The following LRRIQ4 variants were observed in gnomAD, a reference collection of about 807,000 sequenced individuals.
LRRIQ4 encodes the protein leucine rich repeats and IQ motif containing 4.
Under a neutral mutation model 40.1 loss-of-function variants are expected in LRRIQ4, and 21 were observed. That is an observed-to-expected ratio of 0.52 (90% CI 0.37 to 0.75). LRRIQ4 has a LOEUF of 0.75. LRRIQ4 is among the 30% of genes least tolerant of loss of function. The pLI is 0.00. For missense variants in LRRIQ4, 655 were observed against 660.0 expected, an observed-to-expected ratio of 0.99 and a Z score of 0.08; for synonymous variants, 277 against 277.1, an observed-to-expected ratio of 1.00 and a Z score of 0.00.
At chr3:169,821,237 A>G (rs2108265924) in intron 1 of LRRIQ4, among the ~76,000 whole-genome samples, 1 of 152,374 alleles carries the variant, frequency 6.6e-6, no homozygotes, top group East Asian at 1.9e-4. Context: ...GTATTTTAAA[A>G]GATGAGGTTT....
In LRRIQ4 at chr3:169,814,038, G is replaced by T. The variant is rs1779702160; in HGVS notation, c.-32+992G>T. ...CTTTCAGTTTTGCTGTGTATAGGCGGCTTGCGTCAATCAGCTCAGTTAGAC... is the reference window on the plus strand; with the variant it reads ...CTTTCAGTTTTGCTGTGTATAGGCGTCTTGCGTCAATCAGCTCAGTTAGAC... On this transcript the variant is annotated intron_variant, in intron 1 of 5. Transcript: ENST00000340806. Among the ~76,000 whole-genome samples the T allele has an allele frequency of 2.0e-5, 3 of 152,174 alleles. No homozygotes were observed. The South Asian group carries it at 6.2e-4, about 31-fold the overall frequency.
chr3:169,815,203 A>G (rs1166186430), intron 1 of LRRIQ4, among the ~76,000 whole-genome samples: 2 of 152,192 alleles, frequency 1.3e-5, no homozygotes, highest in Admixed American at 6.5e-5. Flanking sequence ...GGAATTGTAT[A>G]TAATCTGTAA....
At chr3:169,830,409 A>AAAAT in intron 3 of LRRIQ4, 83 bp from the exon 4 acceptor site, 4 of 508,542 alleles carry the variant, frequency 7.9e-6, no homozygotes, top group Non-Finnish European at 8.7e-6. Flanking sequence ...AAAAAAAAAA[A>AAAAT]TGCATGAGCA....
chr3:169,816,987 T>A (rs1296544944), intron 1 of LRRIQ4, among the ~76,000 whole-genome samples: 1 of 152,052 alleles, frequency 6.6e-6, no homozygotes, highest in African/African-American at 2.4e-5. Flanking sequence ...TAACTTTGAG[T>A]TTGGTTTTTT....
Position 169,837,628 on chromosome 3 carries a change from A to G in LRRIQ4, c.1680A>G (p.Lys560=), listed in dbSNP as rs752990886. Residue 560 remains lysine, a synonymous_variant, in exon 6 of 6, where the codon AAA becomes AAG. Coordinates refer to ENST00000340806, the MANE Select transcript of LRRIQ4 (RefSeq NM_001080460.3). ...VKGKPGKGKK[K] is the part of the protein sequence containing the mutation. Reference sequence around the variant, plus strand: ...GAAAACCAGGAAAGGGAAAAAAGAAATAATCCTGTAAATTGATAAATTGGG... The same window carrying G: ...GAAAACCAGGAAAGGGAAAAAAGAAGTAATCCTGTAAATTGATAAATTGGG... 6 of 1,568,724 alleles carry G rather than the reference A, an allele frequency of 3.8e-6. No individual in the cohort carries two copies. Among genetic ancestry groups the G allele is most frequent in the Non-Finnish European group, 5.2e-6 (6 of 1,159,156 alleles).
Position 169,830,506 on chromosome 3 carries a change from A to C in LRRIQ4, c.1209A>C (p.Leu403=), listed in dbSNP as rs1381518956. 1 of 1,600,624 alleles carries C rather than the reference A, an allele frequency of 6.2e-7. No individual in the cohort carries two copies. The highest frequency in any genetic ancestry group is 1.1e-5 in the South Asian group (1 of 89,154). The change falls in exon 4 of 6, where the codon CTA becomes CTC. Residue 403 remains leucine (L), a synonymous_variant. Coordinates refer to ENST00000340806, the MANE Select transcript of LRRIQ4 (RefSeq NM_001080460.3). ...TGTTATTTCAGAGTCTCAAAGAGCT[A>C]TATATAGAGAACAATCATCTGGAGT... The part of the protein sequence containing the change: ...HIRKLQSLKE[L]YIENNHLEYL...
In LRRIQ4 at chr3:169,833,199, A is replaced by G. The variant is rs754552809; in HGVS notation, c.1530+16A>G. On this transcript the variant is annotated intron_variant, in intron 5 of 5. Transcript: ENST00000340806. ...GGCAACAAAGGTAAAATCAGCCCAG[A>G]TTCTTGATAACAGTTGCTTTAGAGG... The G allele has an allele frequency of 1.2e-6, 2 of 1,602,652 alleles. No individual in the cohort carries two copies. The highest frequency in any genetic ancestry group is 3.4e-5 in the Admixed American group (2 of 58,358).
chr3:169,825,753 T>G (rs1389271204), intron 2 of LRRIQ4, among the ~76,000 whole-genome samples: 1 of 152,356 alleles, frequency 6.6e-6, no homozygotes, highest in East Asian at 1.9e-4. Flanking sequence ...CAAACTGCAC[T>G]GAAATGTAGA....
intron 2 of LRRIQ4, among the ~76,000 whole-genome samples, chr3:169,825,461 C>T (rs1243189537): frequency 6.6e-6 from 1 of 152,204 alleles, no homozygotes; most frequent in Non-Finnish European, 1.5e-5. Flanking sequence ...GATGTAGCAA[C>T]TCACCTTGGA....
chr3:169,835,889 T>A (rs761037154), intron 5 of LRRIQ4, among the ~76,000 whole-genome samples: 34 of 152,176 alleles, frequency 2.2e-4, no homozygotes, highest in Non-Finnish European at 8.8e-5. Context: ...ATGAGCAAGA[T>A]TCTGGCCCTC....
At position 169,830,482 on chromosome 3, in the gene LRRIQ4, G is replaced by A; in HGVS notation, c.1195-10G>A. The A allele has an allele frequency of 6.7e-7, 1 of 1,493,214 alleles. No homozygotes were observed. The highest frequency in any genetic ancestry group is 9.0e-7 in the Non-Finnish European group (1 of 1,105,784). 92.5% of individuals were successfully genotyped at this position (1,493,214 alleles called of 1,614,324 possible). A position where few individuals can be genotyped will look rare whatever the true frequency, so the allele number is the denominator to read the frequency against. On this transcript the variant is annotated splice_polypyrimidine_tract_variant and intron_variant, in intron 3 of 5. Coordinates refer to ENST00000340806, the MANE Select transcript of LRRIQ4 (RefSeq NM_001080460.3). The stretch of plus-strand genomic sequence containing the variant: ...AGGTATATTATTATGGTACACTCAT[G>A]TTATTTCAGAGTCTCAAAGAGCTAT...
Position 169,828,264 on chromosome 3 carries a change from G to A in LRRIQ4, c.1021-495G>A, listed in dbSNP as rs145229199. Among the ~76,000 whole-genome samples, 860 of 150,976 alleles carry A rather than the reference G, an allele frequency of 5.7e-3. 32 individuals carry two copies. The highest frequency in any genetic ancestry group is 0.048 in the Admixed American group (734 of 15,154). ...TTTTTTTTTTTTGAGACAGATTCTC[G>A]CTCTGTCGCCCAGGCTGGAGTGCAG... On this transcript the variant is annotated intron_variant, in intron 2 of 5. Transcript: ENST00000340806.
chr3:169,824,428 A>T (rs1352040942), intron 2 of LRRIQ4, among the ~76,000 whole-genome samples: 1 of 151,972 alleles, frequency 6.6e-6, no homozygotes, highest in Non-Finnish European at 1.5e-5. Context: ...TTATTAAAAG[A>T]TTTGGGCAGT....
chr3:169,837,218 A>G (rs1289763273), intron 5 of LRRIQ4, among the ~76,000 whole-genome samples: 1 of 152,254 alleles, frequency 6.6e-6, no homozygotes, highest in Non-Finnish European at 1.5e-5. Context: ...TGTGAGCTCC[A>G]TAAAGTTGAG....
intron 2 of LRRIQ4, among the ~76,000 whole-genome samples, chr3:169,823,552 T>G (rs1380365530): frequency 6.6e-6 from 1 of 152,162 alleles, no homozygotes; most frequent in Non-Finnish European, 1.5e-5. Flanking sequence ...TTCACGGTGT[T>G]GTCCAGGCTG....
At chr3:169,830,814 A>T (rs144462333) in intron 4 of LRRIQ4, among the ~76,000 whole-genome samples, 184 bp downstream of exon 4, 1 of 152,336 alleles carries the variant, frequency 6.6e-6, no homozygotes, top group East Asian at 1.9e-4. Flanking sequence ...TAGTATAGCT[A>T]AGAGTCTTGC....
At chr3:169,821,067 T>C (rs1175588165) in intron 1 of LRRIQ4, among the ~76,000 whole-genome samples, 3 of 152,222 alleles carry the variant, frequency 2.0e-5, no homozygotes, top group African/African-American at 7.2e-5. Context: ...GTCCTCAAAC[T>C]TGCAAATGCC....
intron 5 of LRRIQ4, among the ~76,000 whole-genome samples, chr3:169,836,483 AAG>A (rs3047513): frequency 5.2e-4 from 78 of 149,884 alleles, no homozygotes; most frequent in South Asian, 1.0e-3. Context: ...ATATAACAGA[AAG>A]AGAGAGAGAG....
At chr3:169,813,897 A>T (rs548269801) in intron 1 of LRRIQ4, among the ~76,000 whole-genome samples, 64 of 151,746 alleles carry the variant, frequency 4.2e-4, no homozygotes, top group African/African-American at 1.5e-3. Context: ...CTCTAGGGGG[A>T]GCATGCAGAC....
Sources: gnomAD v4.1 joint callset for allele counts (sites outside exome capture counted in the v4.1 genomes callset) on GRCh38, gnomAD v4.1.1 for gene constraint, MANE v1.5 for transcripts, NCBI Gene and HGNC (gene_info 2026-07-23, HGNC 2026-07-21) for gene names.